Variants in HERPUD2 observed in about 807,000 individuals in gnomAD.
The protein encoded by HERPUD2 is HERPUD family member 2.
In HERPUD2, 13 loss-of-function variants were observed where a neutral mutation model predicts 49.9. The observed-to-expected ratio is 0.26, with a 90% CI of 0.17 to 0.41. The LOEUF is 0.41. HERPUD2 is among the 10% of genes least tolerant of loss of function. The probability of loss-of-function intolerance (pLI) is 1.00; values close to 1 mark genes in which losing one functional copy is unlikely to be tolerated. For missense variants in HERPUD2, 449 were observed against 492.2 expected (o/e 0.91, Z 0.83); for synonymous variants, 172 against 171.4 (o/e 1.00, Z -0.03).
chr7:35,633,945 T>C, intron 8 of HERPUD2, 94 bp from the exon 9 acceptor site: 1 of 1,256,850 alleles, frequency 8.0e-7, no homozygotes, highest in Non-Finnish European at 1.1e-6. Context: ...AACAAAGGAC[T>C]ATGAAGTGGT....
chr7:35,647,009 C>T (rs1319178909), intron 5 of HERPUD2, among the ~76,000 whole-genome samples: 1 of 151,978 alleles, frequency 6.6e-6, no homozygotes, highest in African/African-American at 2.4e-5. Flanking sequence ...GACTGTCATT[C>T]ACAATTATAT....
intron 2 of HERPUD2, among the ~76,000 whole-genome samples, chr7:35,680,753 C>A (rs957253964): frequency 6.6e-6 from 1 of 152,208 alleles, no homozygotes; most frequent in Non-Finnish European, 1.5e-5. Context: ...GTAGAGTATT[C>A]CCTCTCACAC....
rs1171585261 is a variant in HERPUD2 at position 35,694,925 on chromosome 7, G to C, written c.-422C>G. The C allele has an allele frequency of 1.3e-5, 2 of 152,380 alleles. No individual in the cohort carries two copies. Among genetic ancestry groups the C allele is most frequent in the East Asian group, 1.9e-4 (1 of 5,166 alleles). 9.4% of individuals were successfully genotyped at this position (152,380 alleles called of 1,614,324 possible). ...CTTCCTGCTGCGCGGCGACCGGCAC[G>C]GCCCAGCCCCGGGTCTCGCGAGGAG... On this transcript the variant is annotated 5_prime_UTR_variant, in exon 1 of 9. Coordinates refer to ENST00000311350, the MANE Select transcript of HERPUD2 (RefSeq NM_022373.5).
chr7:35,667,022 T>C (rs1159940024), intron 5 of HERPUD2, among the ~76,000 whole-genome samples: 7 of 152,274 alleles, frequency 4.6e-5, no homozygotes, highest in Non-Finnish European at 8.8e-5. Context: ...AAACACTAAA[T>C]TGAGTAGATC....
chr7:35,644,712 A>G (rs1457963553), intron 5 of HERPUD2, among the ~76,000 whole-genome samples: 3 of 152,184 alleles, frequency 2.0e-5, no homozygotes, highest in Non-Finnish European at 4.4e-5. Flanking sequence ...GGTTCCAGTG[A>G]GCCAAGATCG....
intron 5 of HERPUD2, among the ~76,000 whole-genome samples, chr7:35,666,754 G>A (rs1419460102): frequency 6.6e-6 from 1 of 152,136 alleles, no homozygotes; most frequent in Non-Finnish European, 1.5e-5. Flanking sequence ...TAACCCAAGG[G>A]GCCTGCTGTA....
chr7:35,664,488 C>T (rs1785497109), intron 5 of HERPUD2, among the ~76,000 whole-genome samples: 1 of 152,200 alleles, frequency 6.6e-6, no homozygotes, highest in South Asian at 2.1e-4. Flanking sequence ...AGAGTGCTTT[C>T]CAACTTGGTT....
At chr7:35,668,019 C>G (rs556461703) in intron 4 of HERPUD2, among the ~76,000 whole-genome samples, 16 of 152,234 alleles carry the variant, frequency 1.1e-4, no homozygotes, top group African/African-American at 3.9e-4. Context: ...GTGCCAAGTA[C>G]TGTACAACAT....
chr7:35,635,111 A>G, intron 7 of HERPUD2, 24 bp downstream of exon 7: 3 of 1,584,468 alleles, frequency 1.9e-6, no homozygotes, highest in Non-Finnish European at 2.6e-6. Flanking sequence ...ATTAAACCAC[A>G]AAAAGTTAAT....
At chr7:35,684,505 G>A (rs1412601501) in intron 2 of HERPUD2, among the ~76,000 whole-genome samples, 2 of 146,720 alleles carry the variant, frequency 1.4e-5, no homozygotes, top group Non-Finnish European at 3.0e-5. Flanking sequence ...AATGGATAAA[G>A]AAACTGTGAG....
rs1407087419 is a variant in HERPUD2, at chr7:35,635,174, C to T, written c.902G>A (p.Arg301Gln). Reference protein sequence around the residue: ...SIVYFYSSFSRFIMVMGAMLL... With the variant: ...SIVYFYSSFSQFIMVMGAMLL... ...CATGGCTCCCATTACCATGATAAAC[C>T]GACTAAAAGAAGAATAGAAGTATAC... The change falls in exon 7 of 9, where the codon CGG becomes CAG. Residue 301 changes from arginine (R) to glutamine (Q), a missense_variant. Coordinates refer to ENST00000311350, the MANE Select transcript of HERPUD2 (RefSeq NM_022373.5). 5 of 1,613,954 alleles carry T rather than the reference C, an allele frequency of 3.1e-6. No individual in the cohort carries two copies. The highest frequency in any genetic ancestry group is 1.7e-5 in the Admixed American group (1 of 59,998).
chr7:35,649,223 C>A (rs1373129526), intron 5 of HERPUD2, among the ~76,000 whole-genome samples: 1 of 151,116 alleles, frequency 6.6e-6, no homozygotes. Context: ...TGCACTCCAG[C>A]CTGGGCGACA....
At chr7:35,675,702 T>C (rs1258877515) in intron 2 of HERPUD2, among the ~76,000 whole-genome samples, 1 of 152,210 alleles carries the variant, frequency 6.6e-6, no homozygotes, top group Admixed American at 6.5e-5. Flanking sequence ...CAAATTTTGC[T>C]ATTCTTGTCT....
intron 2 of HERPUD2, among the ~76,000 whole-genome samples, chr7:35,689,664 G>A (rs1286807750): frequency 6.6e-6 from 1 of 152,178 alleles, no homozygotes; most frequent in Non-Finnish European, 1.5e-5. Flanking sequence ...GAATCTGAGA[G>A]TAAAGGAACA....
chr7:35,693,842 T>C (rs1336916173), intron 2 of HERPUD2, among the ~76,000 whole-genome samples: 2 of 152,198 alleles, frequency 1.3e-5, no homozygotes, highest in Non-Finnish European at 1.5e-5. Flanking sequence ...TTCACCATGT[T>C]GGTAAGGCTG....
intron 2 of HERPUD2, among the ~76,000 whole-genome samples, chr7:35,674,387 A>ATG: frequency 1.9e-5 from 1 of 51,900 alleles, no homozygotes; most frequent in Non-Finnish European, 3.6e-5. Context: ...ACCTATATAT[A>ATG]TATATATATA....
intron 2 of HERPUD2, among the ~76,000 whole-genome samples, chr7:35,680,847 G>A (rs1785872042): frequency 6.6e-6 from 1 of 152,132 alleles, no homozygotes; most frequent in African/African-American, 2.4e-5. Flanking sequence ...AAAGTGCCAA[G>A]AACAAAGGGT....
At chr7:35,685,693 C>A (rs1431407709) in intron 2 of HERPUD2, among the ~76,000 whole-genome samples, 1 of 151,834 alleles carries the variant, frequency 6.6e-6, no homozygotes, top group African/African-American at 2.4e-5. Flanking sequence ...ATTTAAATAT[C>A]AGGGCTGGGT....
intron 2 of HERPUD2, among the ~76,000 whole-genome samples, chr7:35,684,846 G>T (rs995244890): frequency 2.6e-5 from 4 of 152,028 alleles, no homozygotes; most frequent in African/African-American, 4.8e-5. Flanking sequence ...CACCACTAAA[G>T]AACTTACTCA....
Sources: allele counts gnomAD v4.1 joint callset (sites outside exome capture counted in the v4.1 genomes callset), GRCh38; gene constraint gnomAD v4.1.1; transcripts MANE v1.5; gene names NCBI Gene and HGNC (gene_info 2026-07-23, HGNC 2026-07-21).